ATR: variants seen among roughly 807,000 people sequenced by gnomAD.
The protein encoded by ATR is ATR checkpoint kinase, also known as serine/threonine-protein kinase ATR.
A neutral mutation model predicts 305.3 loss-of-function variants in ATR; 142 were observed. The observed-to-expected ratio is 0.47, with a 90% CI of 0.41 to 0.53. The LOEUF (loss-of-function observed/expected upper bound fraction) is 0.53. ATR is among the 20% of genes least tolerant of loss of function. The probability of loss-of-function intolerance (pLI) is 0.00; values close to 1 mark genes in which losing one functional copy is unlikely to be tolerated. For missense variants in ATR, 2,135 were observed against 3,133.1 expected (o/e 0.68, Z 7.60); for synonymous variants, 1,050 against 1,068.1 (o/e 0.98, Z 0.33).
At chr3:142,523,233 A>T (rs1158828204) in intron 22 of ATR, among the ~76,000 whole-genome samples, 4 of 152,138 alleles carry the variant, frequency 2.6e-5, no homozygotes, top group Non-Finnish European at 5.9e-5. Context: ...CAGACTGGCC[A>T]ATATGGTGAA....
At chr3:142,571,244 G>C (rs2035248580) in intron 1 of ATR, among the ~76,000 whole-genome samples, 1 of 152,256 alleles carries the variant, frequency 6.6e-6, no homozygotes. Context: ...AAGGCAGGCG[G>C]ATCATGAGGT....
In ATR at chr3:142,451,406, G is replaced by A; in HGVS notation, c.7761+1722C>T. ...TGGGTATTGTAAACAGAGATCTGAA[G>A]CCTAGAAATATTTTTCTTCATGGCC... On this transcript the variant is annotated intron_variant, in intron 46 of 46. Transcript: ENST00000350721. 3 of 1,471,916 alleles carry A rather than the reference G, an allele frequency of 2.0e-6. No individual in the cohort carries two copies. The South Asian group carries it at 3.5e-5, about 17-fold the overall frequency. The allele number at this position is 1,471,916 out of a possible 1,614,324, so 91.2% of individuals were successfully genotyped here. A position where few individuals can be genotyped will look rare whatever the true frequency, so the allele number is the denominator to read the frequency against.
In ATR at chr3:142,556,490, G is replaced by A; in HGVS notation, c.1971C>T (p.Asn657=). Residue 657 remains asparagine, a synonymous_variant, in exon 9 of 47, where the codon AAC becomes AAT. Coordinates refer to ENST00000350721, the MANE Select transcript of ATR (RefSeq NM_001184.4). ...CTTCATGGGAGCTCTGCAGGGCCCA[G>A]TTGTAAACTGCTGTTCTCCACTCAA... The part of the protein sequence containing the change: ...IFLEWRTAVY[N]WALQSSHEVI... The A allele has an allele frequency of 6.2e-7, 1 of 1,614,070 alleles. No homozygotes were observed. The highest frequency in any genetic ancestry group is 2.2e-5 in the East Asian group (1 of 44,878).
rs2034027616 is a variant in ATR at position 142,540,921 on chromosome 3, A to G, written c.3564T>C (p.Phe1188=). 1 of 1,612,386 alleles carries G rather than the reference A, an allele frequency of 6.2e-7. No individual in the cohort carries two copies. The highest frequency in any genetic ancestry group is 1.3e-5 in the African/African-American group (1 of 74,872). The change falls in exon 18 of 47, where the codon TTT becomes TTC. Residue 1188 remains phenylalanine (F), a synonymous_variant. Transcript: ENST00000350721. The part of the protein sequence containing the change: ...LRTGLRFKDD[F]PELCCRAWDC... ...TCATTTACCTGCAACACAATTCAGGAAAATCATCCTTGAATCGAAGGCCAG... is the reference window on the plus strand; with the variant it reads ...TCATTTACCTGCAACACAATTCAGGGAAATCATCCTTGAATCGAAGGCCAG...
chr3:142,542,614 C>CTA, intron 17 of ATR, 51 bp downstream of exon 17: 3 of 1,418,276 alleles, frequency 2.1e-6, no homozygotes, highest in Non-Finnish European at 3.0e-6. Context: ...CAGAATTTAT[C>CTA]TATATTCTGT....
chr3:142,511,655 CA>C lies in ATR; in HGVS notation c.4852+604del, dbSNP rs200672584. Among the ~76,000 whole-genome samples the C allele has an allele frequency of 8.7e-3, 1,291 of 147,730 alleles. 19 individuals carry two copies. Among genetic ancestry groups the C allele is most frequent in the African/African-American group, 0.03 (1,214 of 40,146 alleles). ...TGGGCAACAGAGCAAGACTCCATCT[CA>C]AAAAAAAATTAATAAATAAAAATAA... On this transcript the variant is annotated intron_variant, in intron 27 of 46. Transcript: ENST00000350721.
intron 21 of ATR, among the ~76,000 whole-genome samples, chr3:142,530,574 A>G (rs2033598297): frequency 6.6e-6 from 1 of 152,158 alleles, no homozygotes; most frequent in African/African-American, 2.4e-5. Context: ...TTTCTCTTTC[A>G]TGAGTATCCA....
At chr3:142,567,282 T>C (rs1007887977) in intron 2 of ATR, among the ~76,000 whole-genome samples, 3 of 152,194 alleles carry the variant, frequency 2.0e-5, no homozygotes, top group African/African-American at 7.2e-5. Flanking sequence ...GAGGACACTG[T>C]GAAGGAAATG....
chr3:142,542,774 GATA>G lies in ATR; in HGVS notation c.3358-20_3358-18del, dbSNP rs1179817036. The G allele has an allele frequency of 1.3e-6, 2 of 1,566,144 alleles. No individual in the cohort carries two copies. Among genetic ancestry groups the G allele is most frequent in the Middle Eastern group, 3.4e-4 (2 of 5,930 alleles). ...ATAATCAGCCTAAGAAATAAAAACA[GATA>G]ATATGTAAGCTTTATACAGATTGAA... On this transcript the variant is annotated intron_variant, in intron 16 of 46. Coordinates refer to ENST00000350721, the MANE Select transcript of ATR (RefSeq NM_001184.4).
intron 1 of ATR, among the ~76,000 whole-genome samples, chr3:142,571,216 C>G (rs2035247603): frequency 6.6e-6 from 1 of 152,088 alleles, no homozygotes; most frequent in South Asian, 2.1e-4. Flanking sequence ...GCCTGTAATA[C>G]GAGCATTTTG....
intron 33 of ATR, 83 bp downstream of exon 33, chr3:142,496,930 T>A: frequency 6.9e-7 from 1 of 1,454,530 alleles, no homozygotes; most frequent in South Asian, 1.2e-5. Flanking sequence ...GACAGAAAAT[T>A]AAGAAATACA....
At chr3:142,509,596 G>A (rs1447905645) in intron 27 of ATR, among the ~76,000 whole-genome samples, 1 of 110,260 alleles carries the variant, frequency 9.1e-6, no homozygotes, top group Non-Finnish European at 1.7e-5. Flanking sequence ...TCACTCTGCT[G>A]CCCAGGCTGG....
At chr3:142,485,923 T>A (rs1244906260) in intron 35 of ATR, among the ~76,000 whole-genome samples, 29 of 152,290 alleles carry the variant, frequency 1.9e-4, no homozygotes. Flanking sequence ...CAAGAGATAT[T>A]TTACAACTCT....
chr3:142,490,537 T>A (rs1436221243), intron 35 of ATR, among the ~76,000 whole-genome samples: 2 of 152,258 alleles, frequency 1.3e-5, no homozygotes, highest in Non-Finnish European at 2.9e-5. Flanking sequence ...CAGGATTTTT[T>A]AAATGCTTAA....
At chr3:142,469,775 G>A (rs1188421699) in intron 37 of ATR, among the ~76,000 whole-genome samples, 1 of 151,998 alleles carries the variant, frequency 6.6e-6, no homozygotes, top group Non-Finnish European at 1.5e-5. Context: ...AAAAACCCAA[G>A]GGACATTAAT....
intron 36 of ATR, among the ~76,000 whole-genome samples, chr3:142,477,791 A>G (rs2030010318): frequency 6.6e-6 from 1 of 152,154 alleles, no homozygotes; most frequent in East Asian, 1.9e-4. Flanking sequence ...GTCCATTAAG[A>G]GATTCAACTT....
At position 142,547,920 on chromosome 3, in the gene ATR, A is replaced by G. The variant is rs1313685978; in HGVS notation, c.3172-10T>C. 1 of 1,613,632 alleles carries G rather than the reference A, an allele frequency of 6.2e-7. No homozygotes were observed. Among genetic ancestry groups the G allele is most frequent in the Admixed American group, 1.7e-5 (1 of 59,978 alleles). Reference sequence around the variant, plus strand: ...CAATTTCTGTTTCATTCTAACCCAAAGACATGTTAAAAAAAATTTTTTTCT... The same window carrying G: ...CAATTTCTGTTTCATTCTAACCCAAGGACATGTTAAAAAAAATTTTTTTCT... On this transcript the variant is annotated splice_polypyrimidine_tract_variant and intron_variant, in intron 15 of 46. Transcript: ENST00000350721.
At chr3:142,543,340 GTTCCTTCC>G (rs909550173) in intron 16 of ATR, among the ~76,000 whole-genome samples, 3 of 150,266 alleles carry the variant, frequency 2.0e-5, no homozygotes, top group African/African-American at 7.3e-5. Context: ...TCCTTCCTTA[GTTCCTTCC>G]TTCCTTCCTT....
intron 6 of ATR, among the ~76,000 whole-genome samples, chr3:142,559,748 T>A (rs558366835): frequency 3.9e-5 from 6 of 152,122 alleles, no homozygotes; most frequent in Admixed American, 2.6e-4. Context: ...ACAAAAAAAA[T>A]TTTTTCTAAA....
Sources: gnomAD v4.1 joint callset for allele counts (sites outside exome capture counted in the v4.1 genomes callset) on GRCh38, gnomAD v4.1.1 for gene constraint, MANE v1.5 for transcripts, NCBI Gene and HGNC (gene_info 2026-07-23, HGNC 2026-07-21) for gene names.